RALYL: variants seen among roughly 807,000 people sequenced by gnomAD.
The protein encoded by RALYL is RALY RNA binding protein like.
A neutral mutation model predicts 35.1 loss-of-function variants in RALYL; 29 were observed. That is an observed-to-expected ratio of 0.83 (90% CI 0.61 to 1.13). The LOEUF (loss-of-function observed/expected upper bound fraction) is 1.13. Among genes scored for constraint, RALYL ranks in the 50% most tolerant of loss-of-function variants. The pLI is 0.00. For missense variants in RALYL, 359 were observed against 360.4 expected (o/e 1.00, Z 0.03); for synonymous variants, 120 against 127.6 (o/e 0.94, Z 0.40).
chr8:84,666,150 C>T (rs1304408889), intron 2 of RALYL, among the ~76,000 whole-genome samples: 1 of 151,962 alleles, frequency 6.6e-6, no homozygotes, highest in Admixed American at 6.6e-5. Flanking sequence ...TGGCTCTATT[C>T]TTGCATGAAG....
intron 4 of RALYL, among the ~76,000 whole-genome samples, chr8:84,835,542 G>T (rs1831805226): frequency 2.0e-5 from 3 of 149,774 alleles, no homozygotes; most frequent in African/African-American, 7.4e-5. Flanking sequence ...AATTAGCTGG[G>T]CATGGTGGTG....
intron 1 of RALYL, among the ~76,000 whole-genome samples, chr8:84,207,162 T>C (rs1453443980): frequency 6.6e-6 from 1 of 152,060 alleles, no homozygotes; most frequent in African/African-American, 2.4e-5. Flanking sequence ...AATCCCACTT[T>C]GGGAATTCAA....
chr8:84,622,633 T>C (rs1361750647), intron 2 of RALYL, among the ~76,000 whole-genome samples: 1 of 152,142 alleles, frequency 6.6e-6, no homozygotes, highest in East Asian at 1.9e-4. Context: ...GAAGTCTCTC[T>C]CAGAGGCCAT....
intron 2 of RALYL, among the ~76,000 whole-genome samples, chr8:84,565,790 A>T (rs2061743036): frequency 6.6e-6 from 1 of 151,670 alleles, no homozygotes; most frequent in South Asian, 2.1e-4. Context: ...TATACTGTGA[A>T]TCCTGAATAA....
intron 1 of RALYL, among the ~76,000 whole-genome samples, chr8:84,393,230 G>C (rs1183002201): frequency 6.6e-6 from 1 of 152,042 alleles, no homozygotes; most frequent in African/African-American, 2.4e-5. Flanking sequence ...CTGAAAGCTA[G>C]ACTGGTAAAG....
chr8:84,759,911 C>A (rs2718985), intron 2 of RALYL, among the ~76,000 whole-genome samples: 1 of 152,056 alleles, frequency 6.6e-6, no homozygotes, highest in Non-Finnish European at 1.5e-5. Context: ...TAGTCTAGAC[C>A]TCCACCAGTG....
At chr8:84,686,579 A>G (rs1430667566) in intron 2 of RALYL, among the ~76,000 whole-genome samples, 1 of 151,870 alleles carries the variant, frequency 6.6e-6, no homozygotes, top group Non-Finnish European at 1.5e-5. Context: ...TAATTTTTGT[A>G]TTTTTAGTAG....
chr8:84,199,453 C>T (rs183538238), intron 1 of RALYL, among the ~76,000 whole-genome samples: 4 of 152,278 alleles, frequency 2.6e-5, no homozygotes, highest in African/African-American at 9.6e-5. Flanking sequence ...GTTGTCTCCT[C>T]ACTTTGTTGA....
intron 2 of RALYL, among the ~76,000 whole-genome samples, chr8:84,675,646 T>G (rs1834046466): frequency 6.6e-6 from 1 of 152,138 alleles, no homozygotes; most frequent in Non-Finnish European, 1.5e-5. Context: ...AAGGCCAACT[T>G]TGTTTCTCTG....
chr8:84,562,256 T>G (rs2061511153), intron 2 of RALYL, among the ~76,000 whole-genome samples: 1 of 151,936 alleles, frequency 6.6e-6, no homozygotes, highest in African/African-American at 2.4e-5. Context: ...TCTTACTCAT[T>G]ATAGTTCATT....
intron 1 of RALYL, among the ~76,000 whole-genome samples, chr8:84,510,808 C>CA (rs60199547): frequency 0.12 from 17,092 of 136,932 alleles, 983 homozygotes; most frequent in Middle Eastern, 0.21. Flanking sequence ...GAAACTATCT[C>CA]AAAAAAAAAA....
chr8:84,734,805 T>C (rs1277602428), intron 2 of RALYL, among the ~76,000 whole-genome samples: 1 of 151,662 alleles, frequency 6.6e-6, no homozygotes, highest in Non-Finnish European at 1.5e-5. Flanking sequence ...TGTGGAAAAA[T>C]ATTACAGTAA....
intron 1 of RALYL, among the ~76,000 whole-genome samples, chr8:84,375,375 CTTAAAGT>C (rs1249960932): frequency 4.0e-5 from 6 of 151,880 alleles, no homozygotes; most frequent in African/African-American, 1.4e-4. Context: ...TTCTGAGCTT[CTTAAAGT>C]TTAGAGTTAT....
At chr8:84,525,463 G>A (rs1458098269) in intron 1 of RALYL, among the ~76,000 whole-genome samples, 1 of 151,728 alleles carries the variant, frequency 6.6e-6, no homozygotes, top group Non-Finnish European at 1.5e-5. Context: ...TGTCTGGTGT[G>A]GTTATATACA....
At chr8:84,206,366 C>A (rs1351291226) in intron 1 of RALYL, among the ~76,000 whole-genome samples, 1 of 152,032 alleles carries the variant, frequency 6.6e-6, no homozygotes, top group Non-Finnish European at 1.5e-5. Flanking sequence ...ATTTGAGTAG[C>A]TGGGAAAGTG....
chr8:84,656,958 G>T (rs571159680), intron 2 of RALYL, among the ~76,000 whole-genome samples: 3 of 152,178 alleles, frequency 2.0e-5, no homozygotes, highest in African/African-American at 7.2e-5. Flanking sequence ...AATGTTTTAT[G>T]AGGCAAAATG....
At chr8:84,774,742 A>G in intron 3 of RALYL, 88 bp downstream of exon 3, 1 of 765,140 alleles carries the variant, frequency 1.3e-6, no homozygotes, top group Non-Finnish European at 2.2e-6. Context: ...GGCATCCACT[A>G]TTTAAAATAA....
intron 3 of RALYL, among the ~76,000 whole-genome samples, chr8:84,790,423 A>C (rs867348349): frequency 1.5e-4 from 23 of 152,190 alleles, no homozygotes; most frequent in African/African-American, 5.3e-4. Flanking sequence ...TGAAGCCTGG[A>C]GGGATGACTT....
At chr8:84,230,892 G>C (rs558536087) in intron 1 of RALYL, among the ~76,000 whole-genome samples, 1 of 152,298 alleles carries the variant, frequency 6.6e-6, no homozygotes, top group Non-Finnish European at 1.5e-5. Context: ...CTTAGGCCTA[G>C]GCCTCTCTGA....
Sources: allele counts gnomAD v4.1 joint callset (sites outside exome capture counted in the v4.1 genomes callset), GRCh38; gene constraint gnomAD v4.1.1; transcripts MANE v1.5; gene names NCBI Gene and HGNC (gene_info 2026-07-23, HGNC 2026-07-21).